LRRTM3: variants seen among roughly 807,000 people sequenced by gnomAD.
LRRTM3 encodes the protein leucine rich repeat transmembrane neuronal 3.
In LRRTM3, 24 loss-of-function variants were observed where a neutral mutation model predicts 44.7. The ratio of observed to expected loss-of-function variants is 0.54; its 90% CI spans 0.39 to 0.76. LRRTM3 has a LOEUF of 0.76. Among genes scored for constraint, LRRTM3 ranks in the 30% least tolerant of loss-of-function variants. The pLI is 0.00. For missense variants in LRRTM3, 587 were observed against 702.2 expected (o/e 0.84, Z 1.85); for synonymous variants, 277 against 278.7 (o/e 0.99, Z 0.06).
chr10:66,976,284 C>T (rs540396780), intron 2 of LRRTM3, among the ~76,000 whole-genome samples: 6 of 152,238 alleles, frequency 3.9e-5, no homozygotes, highest in East Asian at 1.9e-4. Flanking sequence ...GAATCAGGGA[C>T]GATACCCCTG....
At chr10:67,092,360 T>G (rs917160464) in intron 2 of LRRTM3, among the ~76,000 whole-genome samples, 2 of 151,872 alleles carry the variant, frequency 1.3e-5, no homozygotes, top group Non-Finnish European at 2.9e-5. Context: ...CCAAGCAAAC[T>G]AGAGAGAGAA....
chr10:66,988,061 T>C (rs1265040032), intron 2 of LRRTM3, among the ~76,000 whole-genome samples: 1 of 152,190 alleles, frequency 6.6e-6, no homozygotes, highest in Non-Finnish European at 1.5e-5. Context: ...TAATTTATTA[T>C]TCTTTAGGAT....
At chr10:66,965,259 CG>C (rs1371193103) in intron 2 of LRRTM3, among the ~76,000 whole-genome samples, 1 of 151,704 alleles carries the variant, frequency 6.6e-6, no homozygotes, top group East Asian at 1.9e-4. Context: ...TTTTTTGGCT[CG>C]GCATGGTGGC....
chr10:67,034,714 T>C (rs542014034), intron 2 of LRRTM3, among the ~76,000 whole-genome samples: 2 of 152,218 alleles, frequency 1.3e-5, no homozygotes, highest in African/African-American at 4.8e-5. Context: ...CCTACTCAGA[T>C]GCAAAAACTG....
chr10:67,005,394 G>A (rs2140375), intron 2 of LRRTM3, among the ~76,000 whole-genome samples: 79,589 of 151,840 alleles, frequency 0.52, 21,569 homozygotes, highest in Middle Eastern at 0.73. Flanking sequence ...CTCTATCTCA[G>A]TTCCTAGTTC....
chr10:67,083,175 A>C (rs1465044374), intron 2 of LRRTM3, among the ~76,000 whole-genome samples: 1 of 152,198 alleles, frequency 6.6e-6, no homozygotes, highest in Non-Finnish European at 1.5e-5. Context: ...TTTGAGAAAA[A>C]AAAAAACTTC....
chr10:66,938,102 A>T (rs865990847), intron 2 of LRRTM3, among the ~76,000 whole-genome samples: 1 of 152,204 alleles, frequency 6.6e-6, no homozygotes, highest in Non-Finnish European at 1.5e-5. Context: ...ATCTACAGTA[A>T]ACATTTCAAC....
chr10:67,009,903 ACTC>A (rs776620359), intron 2 of LRRTM3, among the ~76,000 whole-genome samples: 3 of 151,642 alleles, frequency 2.0e-5, no homozygotes, highest in Non-Finnish European at 4.4e-5. Context: ...TTCCTTCTTC[ACTC>A]CTCTTCATCT....
chr10:66,977,383 C>A lies in LRRTM3; in HGVS notation c.1536+48931C>A, dbSNP rs1385636186. 4.6e-5 allele frequency among the ~76,000 whole-genome samples: 7 copies of A among 151,716 alleles called. No homozygotes were observed. In the South Asian group the frequency reaches 8.3e-4, roughly 18 times the overall value. ...CCTGGGAAGCAGAGGTTGCAGTGAGCCAAGATCACGCCACTGCACTCCAGC... is the reference window on the plus strand; with the variant it reads ...CCTGGGAAGCAGAGGTTGCAGTGAGACAAGATCACGCCACTGCACTCCAGC... On this transcript the variant is annotated intron_variant, in intron 2 of 2. Coordinates refer to ENST00000361320, the MANE Select transcript of LRRTM3 (RefSeq NM_178011.5).
chr10:67,070,339 C>T (rs1333733836), intron 2 of LRRTM3, among the ~76,000 whole-genome samples: 1 of 152,140 alleles, frequency 6.6e-6, no homozygotes, highest in Non-Finnish European at 1.5e-5. Context: ...TCTTCTCCCA[C>T]TCTGTGACTG....
intron 2 of LRRTM3, among the ~76,000 whole-genome samples, chr10:66,985,958 C>T (rs994976008): frequency 5.3e-5 from 8 of 152,094 alleles, no homozygotes; most frequent in African/African-American, 1.7e-4. Flanking sequence ...GATCTCCTGA[C>T]CTCATGATCC....
At chr10:66,942,882 C>T (rs975010256) in intron 2 of LRRTM3, among the ~76,000 whole-genome samples, 2 of 152,084 alleles carry the variant, frequency 1.3e-5, no homozygotes, top group African/African-American at 4.8e-5. Context: ...GAAATGATGG[C>T]TAAATTAAGC....
chr10:66,944,845 G>C (rs947225956), intron 2 of LRRTM3, among the ~76,000 whole-genome samples: 2 of 152,160 alleles, frequency 1.3e-5, no homozygotes, highest in African/African-American at 4.8e-5. Context: ...GAGCTCTTGG[G>C]TGACCAGATG....
intron 2 of LRRTM3, among the ~76,000 whole-genome samples, chr10:66,943,747 C>T (rs548864553): frequency 2.6e-5 from 4 of 152,212 alleles, no homozygotes; most frequent in East Asian, 1.9e-4. Context: ...CAGAACCCCA[C>T]CATAAAGTGC....
intron 2 of LRRTM3, among the ~76,000 whole-genome samples, chr10:67,043,972 T>C (rs1554904670): frequency 7.3e-6 from 1 of 136,462 alleles, no homozygotes; most frequent in Admixed American, 7.4e-5. Context: ...ATTCAGGGGG[T>C]ACATGGACAG....
At chr10:67,007,740 C>T (rs1414842343) in intron 2 of LRRTM3, among the ~76,000 whole-genome samples, 1 of 151,556 alleles carries the variant, frequency 6.6e-6, no homozygotes, top group Non-Finnish European at 1.5e-5. Flanking sequence ...CTATTCCATA[C>T]TGAATATATT....
intron 2 of LRRTM3, among the ~76,000 whole-genome samples, chr10:66,948,134 T>C (rs1295202477): frequency 2.0e-5 from 3 of 152,216 alleles, no homozygotes; most frequent in Non-Finnish European, 2.9e-5. Flanking sequence ...TAGTCCCTCA[T>C]TGGCCACAAC....
intron 2 of LRRTM3, among the ~76,000 whole-genome samples, chr10:67,062,764 C>T (rs766045954): frequency 7.9e-5 from 12 of 152,238 alleles, no homozygotes; most frequent in Non-Finnish European, 1.5e-4. Context: ...AAATTTGATT[C>T]TGCTAATGAG....
intron 2 of LRRTM3, among the ~76,000 whole-genome samples, chr10:66,972,535 A>C (rs1173641845): frequency 1.3e-5 from 2 of 151,944 alleles, no homozygotes; most frequent in African/African-American, 4.8e-5. Flanking sequence ...TTGCTCTCGG[A>C]GAATAGTTAA....
Sources: gnomAD v4.1 joint callset for allele counts (sites outside exome capture counted in the v4.1 genomes callset) on GRCh38, gnomAD v4.1.1 for gene constraint, MANE v1.5 for transcripts, NCBI Gene and HGNC (gene_info 2026-07-23, HGNC 2026-07-21) for gene names.